CADPS2: variants seen among roughly 807,000 people sequenced by gnomAD.
CADPS2 encodes calcium-dependent secretion activator 2.
CADPS2 carries 93 observed loss-of-function variants against 172.5 expected under a neutral mutation model. That is an observed-to-expected ratio of 0.54 (90% CI 0.46 to 0.64). CADPS2 has a LOEUF of 0.64. CADPS2 is among the 30% of genes least tolerant of loss of function. The pLI is 0.00. For missense variants in CADPS2, 1,420 were observed against 1,565.9 expected, an observed-to-expected ratio of 0.91 and a Z score of 1.57; for synonymous variants, 546 against 555.2, an observed-to-expected ratio of 0.98 and a Z score of 0.23.
intron 2 of CADPS2, among the ~76,000 whole-genome samples, chr7:122,729,056 C>G (rs1470343882): frequency 6.6e-6 from 1 of 151,680 alleles, no homozygotes; most frequent in South Asian, 2.1e-4. Flanking sequence ...ATTTATCATT[C>G]GTTTGCTACC....
At chr7:122,375,356 C>T (rs2042218360) in intron 25 of CADPS2, among the ~76,000 whole-genome samples, 1 of 151,944 alleles carries the variant, frequency 6.6e-6, no homozygotes, top group Admixed American at 6.6e-5. Context: ...TTTAAGTAAA[C>T]TTTTTAATGT....
intron 1 of CADPS2, among the ~76,000 whole-genome samples, chr7:122,751,959 G>C (rs1287314056): frequency 6.6e-6 from 1 of 152,096 alleles, no homozygotes; most frequent in Non-Finnish European, 1.5e-5. Context: ...GCATTATCCT[G>C]AAGAAGAGCG....
intron 9 of CADPS2, among the ~76,000 whole-genome samples, chr7:122,507,522 G>GT (rs1563542126): frequency 6.6e-6 from 1 of 152,128 alleles, no homozygotes; most frequent in East Asian, 1.9e-4. Flanking sequence ...AAGTCAAGAC[G>GT]TGGCTCAGTG....
At chr7:122,653,430 T>C (rs1319791615) in intron 3 of CADPS2, among the ~76,000 whole-genome samples, 3 of 152,224 alleles carry the variant, frequency 2.0e-5, no homozygotes, top group Admixed American at 1.3e-4. Context: ...CCTGCTCTTC[T>C]ATTTCTCTTC....
intron 15 of CADPS2, 128 bp downstream of exon 15, chr7:122,451,246 C>A: frequency 2.3e-6 from 1 of 440,086 alleles, no homozygotes; most frequent in East Asian, 3.8e-5. Context: ...GAACCTTACC[C>A]TGCAGGCAAG....
In CADPS2 at chr7:122,657,546, T is replaced by C. The variant is rs1259182218; in HGVS notation, c.786+5691A>G. Among the ~76,000 whole-genome samples the C allele has an allele frequency of 2.0e-5, 3 of 152,178 alleles. No individual in the cohort carries two copies. The East Asian group carries it at 5.8e-4, about 29-fold the overall frequency. On this transcript the variant is annotated intron_variant, in intron 3 of 29. Coordinates refer to ENST00000449022, the MANE Select transcript of CADPS2 (RefSeq NM_017954.11). ...TCACATCCCTTGTAAGTTGGATTCCTAGGTATTTTGTTCTCTTTGAAGCAA... is the reference window on the plus strand; with the variant it reads ...TCACATCCCTTGTAAGTTGGATTCCCAGGTATTTTGTTCTCTTTGAAGCAA...
At position 122,702,525 on chromosome 7, in the gene CADPS2, C is replaced by T. The variant is rs1456705757; in HGVS notation, c.453+34430G>A. ...TTCTGATTCCATCCTTCAGGAAGTGCCACCACACCAGACACCCTTTCCAGA... is the reference window on the plus strand; with the variant it reads ...TTCTGATTCCATCCTTCAGGAAGTGTCACCACACCAGACACCCTTTCCAGA... On this transcript the variant is annotated intron_variant, in intron 2 of 29. Transcript: ENST00000449022. The T allele has an allele frequency of 1.2e-6, 2 of 1,613,516 alleles. 1 individual carries two copies. Among genetic ancestry groups the T allele is most frequent in the South Asian group, 2.2e-5 (2 of 91,064 alleles).
In CADPS2 at chr7:122,705,936, TATATAATATAA is replaced by T. The variant is rs1564125227; in HGVS notation, c.453+31008_453+31018del. Among the ~76,000 whole-genome samples the T allele has an allele frequency of 3.0e-4, 2 of 6,622 alleles. 1 individual carries two copies. The highest frequency in any genetic ancestry group is 1.2e-3 in the African/African-American group (2 of 1,648). 4.3% of individuals were successfully genotyped at this position (6,622 alleles called of 152,430 possible). On this transcript the variant is annotated intron_variant, in intron 2 of 29. Coordinates refer to ENST00000449022, the MANE Select transcript of CADPS2 (RefSeq NM_017954.11). ...TTATATAATATAATATATAATATAT[TATATAATATAA>T]TATATAATATATATATAATATAATA...
At chr7:122,393,053 TAA>T in intron 22 of CADPS2, 141 bp downstream of exon 22, 1 of 993,956 alleles carries the variant, frequency 1.0e-6, no homozygotes, top group Non-Finnish European at 1.4e-6. Context: ...CTTACTAGCT[TAA>T]AAACTCAAAT....
chr7:122,735,568 T>A lies in CADPS2; in HGVS notation c.453+1387A>T, dbSNP rs546196680. On this transcript the variant is annotated intron_variant, in intron 2 of 29. Coordinates refer to ENST00000449022, the MANE Select transcript of CADPS2 (RefSeq NM_017954.11). ...AACTGTGGCCACATCATACTACGCTTACTTTTAAAAACTCACTTATTTTGA... is the reference window on the plus strand; with the variant it reads ...AACTGTGGCCACATCATACTACGCTAACTTTTAAAAACTCACTTATTTTGA... 1.9e-4 allele frequency among the ~76,000 whole-genome samples: 29 copies of A among 152,256 alleles called. No homozygotes were observed. In the South Asian group the frequency reaches 6.0e-3, roughly 32 times the overall value.
intron 28 of CADPS2, among the ~76,000 whole-genome samples, chr7:122,341,148 A>T (rs1285091262): frequency 6.6e-6 from 1 of 152,216 alleles, no homozygotes; most frequent in Non-Finnish European, 1.5e-5. Context: ...TTTTTAAAAA[A>T]ATTTGGGTTT....
chr7:122,564,116 T>G (rs1209858355), intron 7 of CADPS2, among the ~76,000 whole-genome samples: 2 of 152,132 alleles, frequency 1.3e-5, no homozygotes, highest in African/African-American at 4.8e-5. Flanking sequence ...CTGTACCACC[T>G]TAAACTGTGA....
intron 17 of CADPS2, among the ~76,000 whole-genome samples, chr7:122,437,268 T>G (rs2050748240): frequency 2.0e-5 from 3 of 152,166 alleles, no homozygotes; most frequent in African/African-American, 7.2e-5. Flanking sequence ...GTTGTTACTC[T>G]CGTGATATAA....
chr7:122,875,304 T>C (rs1179521642), intron 1 of CADPS2, among the ~76,000 whole-genome samples: 1 of 152,192 alleles, frequency 6.6e-6, no homozygotes, highest in Non-Finnish European at 1.5e-5. Flanking sequence ...TTGTCCCATA[T>C]ACACAGTAAG....
chr7:122,707,817 A>G (rs2087842109), intron 2 of CADPS2, among the ~76,000 whole-genome samples: 1 of 151,370 alleles, frequency 6.6e-6, no homozygotes, highest in African/African-American at 2.4e-5. Flanking sequence ...TATATATGTT[A>G]TTATTTGCAA....
chr7:122,547,765 T>C (rs1333147466), intron 8 of CADPS2, among the ~76,000 whole-genome samples: 1 of 152,064 alleles, frequency 6.6e-6, no homozygotes, highest in Non-Finnish European at 1.5e-5. Context: ...AAAGTAGAAT[T>C]GGAAGCAGAG....
intron 8 of CADPS2, among the ~76,000 whole-genome samples, chr7:122,540,637 T>C (rs961262933): frequency 6.6e-6 from 1 of 152,152 alleles, no homozygotes. Flanking sequence ...AGGCATATTA[T>C]TAAGGTCCCA....
intron 8 of CADPS2, among the ~76,000 whole-genome samples, chr7:122,548,051 T>C (rs1256539313): frequency 6.6e-6 from 1 of 152,128 alleles, no homozygotes; most frequent in East Asian, 1.9e-4. Context: ...GTCAGCTGTT[T>C]AGGTTTATCA....
intron 19 of CADPS2, chr7:122,412,775 A>G (rs1185367946): frequency 1.3e-5 from 2 of 152,172 alleles, no homozygotes; most frequent in Non-Finnish European, 2.9e-5. Flanking sequence ...CAGCCCTTCT[A>G]CTGATATTCT....
Sources: gnomAD v4.1 joint callset for allele counts (sites outside exome capture counted in the v4.1 genomes callset) on GRCh38, gnomAD v4.1.1 for gene constraint, MANE v1.5 for transcripts, NCBI Gene and HGNC (gene_info 2026-07-23, HGNC 2026-07-21) for gene names.